Variants in SLIT3 observed in about 807,000 individuals in gnomAD.
SLIT3 encodes slit homolog 3 protein.
SLIT3 carries 68 observed loss-of-function variants against 184.0 expected under a neutral mutation model. That is an observed-to-expected ratio of 0.37 (90% CI 0.30 to 0.45). The LOEUF (loss-of-function observed/expected upper bound fraction) is 0.45. Among genes scored for constraint, SLIT3 ranks in the 20% least tolerant of loss-of-function variants. The pLI is 1.00. For synonymous variants in SLIT3, 831 were observed against 828.6 expected (o/e 1.00, Z -0.05); for missense variants, 1,707 against 2,026.0 (o/e 0.84, Z 3.02).
chr5:168,761,912 A>G (rs1376541125), intron 15 of SLIT3, among the ~76,000 whole-genome samples: 1 of 96,098 alleles, frequency 1.0e-5, no homozygotes, highest in Non-Finnish European at 2.1e-5. Flanking sequence ...CAGCTAATAA[A>G]AAAAAAAAAT....
chr5:169,008,208 T>A (rs1756002610), intron 4 of SLIT3, among the ~76,000 whole-genome samples: 1 of 152,190 alleles, frequency 6.6e-6, no homozygotes, highest in African/African-American at 2.4e-5. Context: ...TCTGGGAGGA[T>A]GTGAGTTAGA....
At chr5:168,857,915 C>T (rs192608519) in intron 5 of SLIT3, among the ~76,000 whole-genome samples, 13 of 152,336 alleles carry the variant, frequency 8.5e-5, no homozygotes, top group Non-Finnish European at 1.9e-4. Flanking sequence ...AAGACTGGCT[C>T]TCCAGCTTCT....
At chr5:168,852,876 G>A (rs1758728649) in intron 5 of SLIT3, among the ~76,000 whole-genome samples, 2 of 152,214 alleles carry the variant, frequency 1.3e-5, no homozygotes, top group African/African-American at 2.4e-5. Context: ...TATTAATGAA[G>A]TGTGTGCACT....
rs530761973 is a variant in SLIT3 at position 169,026,142 on chromosome 5, C to T, written c.414-142806G>A. Among the ~76,000 whole-genome samples the T allele has an allele frequency of 3.3e-5, 5 of 152,266 alleles. No homozygotes were observed. The South Asian group carries it at 1.0e-3, about 32-fold the overall frequency. Reference sequence around the variant, plus strand: ...GGGTGTGGTGACTCCCTGGCAGAGACTGTTCAGCAGGAGAGGAGATTAGGA... The same window carrying T: ...GGGTGTGGTGACTCCCTGGCAGAGATTGTTCAGCAGGAGAGGAGATTAGGA... On this transcript the variant is annotated intron_variant, in intron 4 of 35. Coordinates refer to ENST00000519560, the MANE Select transcript of SLIT3 (RefSeq NM_003062.4).
chr5:168,747,139 C>A (rs1411543886), intron 20 of SLIT3, among the ~76,000 whole-genome samples: 1 of 152,088 alleles, frequency 6.6e-6, no homozygotes, highest in Non-Finnish European at 1.5e-5. Flanking sequence ...AGCACTGCCT[C>A]CTCCCTCCTA....
chr5:168,919,556 G>A (rs1224729401), intron 4 of SLIT3, among the ~76,000 whole-genome samples: 3 of 152,006 alleles, frequency 2.0e-5, no homozygotes, highest in African/African-American at 2.4e-5. Flanking sequence ...AGAGACTTAA[G>A]CTTTTAATAA....
intron 26 of SLIT3, chr5:168,706,781 C>A (rs1762383833): frequency 6.6e-6 from 1 of 152,212 alleles, no homozygotes; most frequent in African/African-American, 2.4e-5. Context: ...GCTAGAAGCA[C>A]AGCCATCGTC....
intron 4 of SLIT3, among the ~76,000 whole-genome samples, chr5:168,897,647 T>TGCGCGCGCGCACACACACACACACACAC (rs3223457): frequency 1.4e-5 from 2 of 141,414 alleles, no homozygotes; most frequent in Non-Finnish European, 3.1e-5. Flanking sequence ...CAGGTGCACG[T>TGCGCGCGCGCACACACACACACACACAC]ACACACACAC....
intron 4 of SLIT3, among the ~76,000 whole-genome samples, chr5:169,168,667 A>G (rs1762720348): frequency 6.6e-6 from 1 of 152,216 alleles, no homozygotes; most frequent in Non-Finnish European, 1.5e-5. Flanking sequence ...CCAAGGACCC[A>G]AAGTGACAAA....
At chr5:169,235,894 T>G (rs1384058265) in intron 3 of SLIT3, among the ~76,000 whole-genome samples, 1 of 152,218 alleles carries the variant, frequency 6.6e-6, no homozygotes, top group Non-Finnish European at 1.5e-5. Context: ...ACACTGACCT[T>G]GATCACACGG....
intron 1 of SLIT3, among the ~76,000 whole-genome samples, chr5:169,272,477 C>T (rs1211599891): frequency 6.6e-6 from 1 of 152,220 alleles, no homozygotes; most frequent in South Asian, 2.1e-4. Context: ...TGTTTTCCAA[C>T]CTAGCGTAAA....
rs142362511 is a variant in SLIT3, at chr5:168,788,596, A to AT, written c.1079+963dup. On this transcript the variant is annotated intron_variant, in intron 11 of 35. Coordinates refer to ENST00000519560, the MANE Select transcript of SLIT3 (RefSeq NM_003062.4). The stretch of plus-strand genomic sequence containing the variant: ...TAAGTAAATGGTTGAACAAAACAAG[A>AT]TTTTTTTTTGACATACTAACTCTGT... Among the ~76,000 whole-genome samples, 13 of 151,054 alleles carry AT rather than the reference A, an allele frequency of 8.6e-5. No individual in the cohort carries two copies. In the East Asian group the frequency reaches 1.8e-3, roughly 21 times the overall value.
rs529407431 is a variant in SLIT3, at chr5:169,063,151, G to A, written c.413+130328C>T. Among the ~76,000 whole-genome samples, 10 of 152,266 alleles carry A rather than the reference G, an allele frequency of 6.6e-5. No individual in the cohort carries two copies. The South Asian group carries it at 2.1e-3, about 32-fold the overall frequency. On this transcript the variant is annotated intron_variant, in intron 4 of 35. Transcript: ENST00000519560. ...AGGGACGAAGTTTGTAATCATAAGT[G>A]CCAATTGAGCCCCCGTGCCAGCCCT...
intron 3 of SLIT3, among the ~76,000 whole-genome samples, chr5:169,232,466 C>T (rs1002836967): frequency 6.6e-6 from 1 of 152,162 alleles, no homozygotes; most frequent in Admixed American, 6.5e-5. Flanking sequence ...CTCAGGTGAT[C>T]CACTCACCTC....
chr5:168,843,161 G>A (rs913369789), intron 6 of SLIT3, among the ~76,000 whole-genome samples: 3 of 152,082 alleles, frequency 2.0e-5, no homozygotes, highest in East Asian at 1.9e-4. Flanking sequence ...GCTTTCATCC[G>A]ATTTCAAGCA....
chr5:168,823,433 A>G (rs1430747090), intron 6 of SLIT3, 102 bp from the exon 7 acceptor site: 25 of 823,612 alleles, frequency 3.0e-5, no homozygotes, highest in African/African-American at 5.0e-5. Context: ...CCGCAAGACC[A>G]TGAGTCAACA....
chr5:168,970,703 T>C (rs1252931534), intron 4 of SLIT3, among the ~76,000 whole-genome samples: 1 of 152,140 alleles, frequency 6.6e-6, no homozygotes, highest in African/African-American at 2.4e-5. Context: ...CCTGCCCTAT[T>C]CTATGTAGTT....
intron 4 of SLIT3, among the ~76,000 whole-genome samples, chr5:168,960,168 A>G (rs1762955755): frequency 1.3e-5 from 2 of 152,182 alleles, no homozygotes; most frequent in South Asian, 4.1e-4. Flanking sequence ...GGCAGGGGCC[A>G]TGTCTTACTC....
At chr5:169,281,718 A>G (rs1474645948) in intron 1 of SLIT3, among the ~76,000 whole-genome samples, 1 of 152,228 alleles carries the variant, frequency 6.6e-6, no homozygotes, top group Non-Finnish European at 1.5e-5. Flanking sequence ...GGATGTAAAG[A>G]TTCCTGATAA....
Sources: gnomAD v4.1 joint callset for allele counts (sites outside exome capture counted in the v4.1 genomes callset) on GRCh38, gnomAD v4.1.1 for gene constraint, MANE v1.5 for transcripts, NCBI Gene and HGNC (gene_info 2026-07-23, HGNC 2026-07-21) for gene names.